The following ORC2 variants were observed in gnomAD, a reference collection of about 807,000 sequenced individuals.
ORC2 encodes origin recognition complex protein 2 homolog.
In ORC2, 37 loss-of-function variants were observed where a neutral mutation model predicts 77.7. That is an observed-to-expected ratio of 0.48 (90% confidence interval 0.37 to 0.63). The LOEUF (loss-of-function observed/expected upper bound fraction) is 0.63. ORC2 is among the 20% of genes least tolerant of loss of function. ORC2 has a pLI of 0.00. For synonymous variants in ORC2, 201 were observed against 229.5 expected, an observed-to-expected ratio of 0.88 and a Z score of 1.12; for missense variants, 557 against 661.9, an observed-to-expected ratio of 0.84 and a Z score of 1.74.
chr2:200,955,749 A>G (rs978362310), intron 4 of ORC2, among the ~76,000 whole-genome samples: 3 of 152,104 alleles, frequency 2.0e-5, no homozygotes, highest in African/African-American at 4.8e-5. Context: ...CCCAGTTCCA[A>G]CTCTCCTAGT....
chr2:200,926,968 C>A, intron 11 of ORC2, 68 bp from the exon 12 acceptor site: 1 of 1,470,200 alleles, frequency 6.8e-7, no homozygotes, highest in Non-Finnish European at 9.4e-7. Context: ...TATTATCAAC[C>A]AGTTTCCTTA....
At chr2:200,946,074 T>C (rs374310465) in intron 5 of ORC2, among the ~76,000 whole-genome samples, 55 of 152,338 alleles carry the variant, frequency 3.6e-4, no homozygotes, top group African/African-American at 1.2e-3. Context: ...CTCTGTATTT[T>C]ACAAAGCCTT....
intron 15 of ORC2, 82 bp downstream of exon 15, chr2:200,920,140 C>A: frequency 1.0e-6 from 1 of 1,001,782 alleles, no homozygotes; most frequent in African/African-American, 1.6e-5. Flanking sequence ...TAACTAGGGA[C>A]TTCAGTATCC....
At chr2:200,947,824 C>T (rs1464162035) in intron 5 of ORC2, among the ~76,000 whole-genome samples, 1 of 152,114 alleles carries the variant, frequency 6.6e-6, no homozygotes, top group African/African-American at 2.4e-5. Flanking sequence ...CAACCTTGAA[C>T]CCCTAGGCTC....
intron 15 of ORC2, among the ~76,000 whole-genome samples, chr2:200,914,613 T>A (rs921827979): frequency 1.3e-5 from 2 of 152,068 alleles, no homozygotes; most frequent in African/African-American, 2.4e-5. Flanking sequence ...ACTCTGTCTC[T>A]ATAAAAAATT....
At chr2:200,914,998 C>A in intron 15 of ORC2, among the ~76,000 whole-genome samples, 1 of 147,610 alleles carries the variant, frequency 6.8e-6, no homozygotes, top group Middle Eastern at 3.6e-3. Flanking sequence ...TGATTCTTCC[C>A]ACGTCTTTTT....
At chr2:200,948,075 AT>A (rs57958964) in intron 5 of ORC2, among the ~76,000 whole-genome samples, 41 of 145,850 alleles carry the variant, frequency 2.8e-4, no homozygotes, top group Admixed American at 7.5e-4. Flanking sequence ...CGCCTGGCTA[AT>A]TTTTTTTTTT....
chr2:200,912,273 C>T (rs1020481312), intron 17 of ORC2, among the ~76,000 whole-genome samples: 2 of 152,134 alleles, frequency 1.3e-5, no homozygotes, highest in African/African-American at 4.8e-5. Context: ...CATATCTTTC[C>T]TCTGGTTTCT....
rs1575147315 is a variant in ORC2, at chr2:200,913,568, A to G, written c.1529-155T>C. 7.5e-6 allele frequency: 10 copies of G among 1,336,350 alleles called. No homozygotes were observed. The South Asian group carries it at 1.4e-4, about 19-fold the overall frequency. The allele number at this position is 1,336,350 out of a possible 1,614,324, so 82.8% of individuals were successfully genotyped here. A position where few individuals can be genotyped will look rare whatever the true frequency, so the allele number is the denominator to read the frequency against. On this transcript the variant is annotated intron_variant, in intron 16 of 17. Transcript: ENST00000234296. ...TAGGACTTTTAAAGAAGGAACAAGT[A>G]AGTCATGAGAGCAGAACAATTATTA...
In ORC2 at chr2:200,911,367, ATACTC is replaced by A. The variant is rs1370830417; in HGVS notation, c.1663_1667del (p.Glu555PhefsTer6). The A allele has an allele frequency of 3.1e-6, 5 of 1,597,756 alleles. No individual in the cohort carries two copies. Among genetic ancestry groups the A allele is most frequent in the Non-Finnish European group, 4.3e-6 (5 of 1,165,302 alleles). On this transcript the variant is annotated frameshift_variant, in exon 18 of 18. Transcript: ENST00000234296. LOFTEE classifies it high-confidence loss of function. ...TTCCATTATCAACAGGAATTAATAA[ATACTC>A]TACTCCATCAGTTCCCTGAAAGATT...
intron 5 of ORC2, among the ~76,000 whole-genome samples, chr2:200,949,131 C>A (rs1263832302): frequency 6.6e-6 from 1 of 151,656 alleles, no homozygotes; most frequent in African/African-American, 2.4e-5. Flanking sequence ...GTCTCAGCTA[C>A]TCAGGAGGCT....
intron 7 of ORC2, among the ~76,000 whole-genome samples, chr2:200,938,867 C>T (rs1479125631): frequency 6.6e-6 from 1 of 151,928 alleles, no homozygotes; most frequent in African/African-American, 2.4e-5. Flanking sequence ...TGGAGAAATC[C>T]CGTCTCTACT....
At chr2:200,923,763 A>G (rs906973078) in intron 13 of ORC2, among the ~76,000 whole-genome samples, 5 of 152,184 alleles carry the variant, frequency 3.3e-5, no homozygotes, top group Non-Finnish European at 7.3e-5. Flanking sequence ...ACAAAAAAGC[A>G]GAAAAATGTG....
At chr2:200,916,820 T>A (rs1451825664) in intron 15 of ORC2, among the ~76,000 whole-genome samples, 3 of 150,958 alleles carry the variant, frequency 2.0e-5, no homozygotes, top group African/African-American at 4.9e-5. Context: ...CTCCTGCCTC[T>A]GCCTCCTGAG....
intron 13 of ORC2, among the ~76,000 whole-genome samples, chr2:200,921,900 G>A (rs1170250427): frequency 1.3e-5 from 2 of 152,080 alleles, no homozygotes; most frequent in African/African-American, 4.8e-5. Context: ...GCCTCCCAAA[G>A]TGGTGGGATT....
intron 10 of ORC2, among the ~76,000 whole-genome samples, chr2:200,932,828 C>A (rs1468596324): frequency 6.6e-6 from 1 of 152,124 alleles, no homozygotes; most frequent in Non-Finnish European, 1.5e-5. Flanking sequence ...GCCTGCTGGT[C>A]CAACGAGGAA....
chr2:200,954,839 A>G (rs1487704676), intron 4 of ORC2, among the ~76,000 whole-genome samples: 3 of 152,166 alleles, frequency 2.0e-5, no homozygotes, highest in Non-Finnish European at 4.4e-5. Flanking sequence ...GTTGAAAAAC[A>G]TAGGGCATGA....
In ORC2 at chr2:200,937,938, G is replaced by C. The variant is rs202114113; in HGVS notation, c.482C>G (p.Thr161Arg). Residue 161 changes from threonine to arginine, a missense_variant, in exon 8 of 18, where the codon ACA becomes AGA. Physicochemically the swap from Thr to Arg is moderately conservative, Grantham distance 71. Coordinates refer to ENST00000234296, the MANE Select transcript of ORC2 (RefSeq NM_006190.5). ...KNNDKSEFLS[T>R]APRSLRKRLI... ...TCTTTTTCTTAGACTACGAGGTGCT[G>C]TTGACAGAAATTCACTTTTGTCATT... 71 of 1,601,166 alleles carry C rather than the reference G, an allele frequency of 4.4e-5. No individual in the cohort carries two copies. The Middle Eastern group carries it at 1.0e-3, about 23-fold the overall frequency.
At chr2:200,926,718 G>C in intron 12 of ORC2, 50 bp downstream of exon 12, 1 of 1,584,568 alleles carries the variant, frequency 6.3e-7, no homozygotes, top group Non-Finnish European at 8.6e-7. Flanking sequence ...GTGGGGGCTT[G>C]AATTGGCAGA....
Sources: allele counts gnomAD v4.1 joint callset (sites outside exome capture counted in the v4.1 genomes callset), GRCh38; gene constraint gnomAD v4.1.1; transcripts MANE v1.5; gene names NCBI Gene and HGNC (gene_info 2026-07-23, HGNC 2026-07-21).